The following USP4 variants were observed in gnomAD, a reference collection of about 807,000 sequenced individuals.
USP4 encodes the protein ubiquitin carboxyl-terminal hydrolase 4.
In USP4, 72 loss-of-function variants were observed where a neutral mutation model predicts 118.2. The ratio of observed to expected loss-of-function variants is 0.61; its 90% CI spans 0.50 to 0.74. The LOEUF is 0.74. Among genes scored for constraint, USP4 ranks in the 30% least tolerant of loss-of-function variants. The pLI is 0.00. For missense variants in USP4, 1,037 were observed against 1,185.7 expected (o/e 0.87, Z 1.84); for synonymous variants, 415 against 440.4 (o/e 0.94, Z 0.72).
At chr3:49,282,558 T>G (rs2047044098) in intron 19 of USP4, among the ~76,000 whole-genome samples, 1 of 152,248 alleles carries the variant, frequency 6.6e-6, no homozygotes, top group Admixed American at 6.5e-5. Context: ...ATTACAGGTG[T>G]GAGCCACTGC....
intron 2 of USP4, among the ~76,000 whole-genome samples, chr3:49,330,314 T>C (rs2047602142): frequency 2.6e-5 from 4 of 152,078 alleles, no homozygotes; most frequent in South Asian, 4.2e-4. Flanking sequence ...GGTAACTAGG[T>C]ACATTGCAAT....
intron 10 of USP4, among the ~76,000 whole-genome samples, chr3:49,301,186 C>T (rs2047259457): frequency 6.6e-6 from 1 of 151,994 alleles, no homozygotes; most frequent in Admixed American, 6.6e-5. Context: ...AGTGATGCTC[C>T]CACCTCAGCC....
At chr3:49,327,858 C>A in intron 2 of USP4, 42 bp from the exon 3 acceptor site, 3 of 1,565,528 alleles carry the variant, frequency 1.9e-6, no homozygotes, top group Non-Finnish European at 2.6e-6. Flanking sequence ...CTCTTTACCC[C>A]AGAAATGATG....
intron 20 of USP4, among the ~76,000 whole-genome samples, chr3:49,280,199 G>A (rs1262502196): frequency 6.6e-6 from 1 of 151,556 alleles, no homozygotes; most frequent in South Asian, 2.1e-4. Context: ...GGAGGTGGAG[G>A]TTGCAAGTGA....
chr3:49,292,341 G>A (rs1180794451), intron 15 of USP4, among the ~76,000 whole-genome samples, 169 bp downstream of exon 15: 2 of 151,050 alleles, frequency 1.3e-5, no homozygotes, highest in Non-Finnish European at 2.9e-5. Context: ...TTGGACAACA[G>A]GCACTGGCAG....
intron 9 of USP4, among the ~76,000 whole-genome samples, chr3:49,304,759 T>C (rs1180317008): frequency 6.8e-6 from 1 of 147,060 alleles, no homozygotes; most frequent in African/African-American, 2.7e-5. Flanking sequence ...GCTAATTTTG[T>C]TGTTGTTGTT....
chr3:49,300,739 T>A (rs1292534864), intron 10 of USP4, 48 bp from the exon 11 acceptor site: 7 of 1,560,444 alleles, frequency 4.5e-6, no homozygotes, highest in Non-Finnish European at 6.1e-6. Flanking sequence ...CTCAGCCCCT[T>A]GCCCCTGCAT....
intron 6 of USP4, 38 bp downstream of exon 6, chr3:49,324,664 C>T (rs766566774): frequency 1.9e-6 from 3 of 1,587,242 alleles, no homozygotes; most frequent in South Asian, 1.1e-5. Context: ...CTCTTTTGCA[C>T]ATGTGAGCCT....
chr3:49,294,279 C>T, intron 14 of USP4, 128 bp downstream of exon 14: 1 of 1,071,952 alleles, frequency 9.3e-7, no homozygotes, highest in Non-Finnish European at 1.3e-6. Context: ...GCCACTGCAC[C>T]CGGCAAATGC....
intron 8 of USP4, among the ~76,000 whole-genome samples, chr3:49,308,697 T>A (rs11710434): frequency 2.0e-5 from 3 of 151,334 alleles, no homozygotes; most frequent in African/African-American, 7.3e-5. Flanking sequence ...TAGTTTGCAG[T>A]ACTCCATATG....
chr3:49,280,292 T>C (rs2047004880), intron 20 of USP4, among the ~76,000 whole-genome samples: 1 of 151,586 alleles, frequency 6.6e-6, no homozygotes, highest in African/African-American at 2.4e-5. Flanking sequence ...CCAGGCACAG[T>C]GCCTCACACC....
In USP4 at chr3:49,284,555, C is replaced by T. The variant is rs988977339; in HGVS notation, c.2301G>A (p.Gln767=). ...EAYEKHVSML[Q]PQKKKKTTVA... is the part of the protein sequence containing the mutation. ...CTGTGGTCTTCTTCTTCTTCTGAGG[C>T]TGCAACATGCTCACATGCTTCTCGT... Residue 767 remains glutamine, a synonymous_variant, in exon 18 of 22, where the codon CAG becomes CAA. Coordinates refer to ENST00000265560, the MANE Select transcript of USP4 (RefSeq NM_003363.4). 1 of 1,614,100 alleles carries T rather than the reference C, an allele frequency of 6.2e-7. No homozygotes were observed. Among genetic ancestry groups the T allele is most frequent in the Admixed American group, 1.7e-5 (1 of 59,988 alleles).
At chr3:49,303,335 G>C (rs922714667) in intron 9 of USP4, among the ~76,000 whole-genome samples, 6 of 151,556 alleles carry the variant, frequency 4.0e-5, no homozygotes, top group African/African-American at 7.3e-5. Context: ...CAGCTACGCA[G>C]GAGGCTGAGG....
At chr3:49,301,700 T>C (rs554458279) in intron 10 of USP4, among the ~76,000 whole-genome samples, 1 of 152,092 alleles carries the variant, frequency 6.6e-6, no homozygotes, top group South Asian at 2.1e-4. Context: ...AAAAAATAAA[T>C]AAATAAATTT....
intron 19 of USP4, among the ~76,000 whole-genome samples, chr3:49,281,118 C>G (rs548467048): frequency 6.6e-6 from 1 of 151,734 alleles, no homozygotes; most frequent in Non-Finnish European, 1.5e-5. Context: ...ATCAGGAGTT[C>G]GAGACGAGCC....
chr3:49,309,619 C>CTTTTTTTT (rs35128646), intron 8 of USP4, among the ~76,000 whole-genome samples: 1 of 79,360 alleles, frequency 1.3e-5, no homozygotes. Flanking sequence ...GGCGGGACAG[C>CTTTTTTTT]TTTTTTTTTT....
intron 3 of USP4, among the ~76,000 whole-genome samples, chr3:49,326,349 C>G (rs1037316356): frequency 3.3e-5 from 5 of 151,884 alleles, no homozygotes; most frequent in African/African-American, 1.2e-4. Flanking sequence ...TTTTTTTCTA[C>G]CCACTAAGAC....
In USP4 at chr3:49,278,333, C is replaced by T; in HGVS notation, c.2852G>A (p.Gly951Asp). 2 of 1,614,116 alleles carry T rather than the reference C, an allele frequency of 1.2e-6. No homozygotes were observed. Among genetic ancestry groups the T allele is most frequent in the Non-Finnish European group, 1.7e-6 (2 of 1,180,044 alleles). ...GCTGCAAGCCTCATCATCCCCAAAG[C>T]CCTGCTGAGAGCTGCTTGGTCGTGT... ...GGTRPSSSQQGFGDDEACSMD... is the reference protein window; with the variant it reads ...GGTRPSSSQQDFGDDEACSMD... The change falls in exon 22 of 22, where the codon GGC becomes GAC. Residue 951 changes from glycine (G) to aspartate (D), a missense_variant. By Grantham distance (94) the Gly-to-Asp change is moderately conservative. Coordinates refer to ENST00000265560, the MANE Select transcript of USP4 (RefSeq NM_003363.4).
chr3:49,278,040 C>T lies in USP4; in HGVS notation c.*253G>A. ...ACTCCATTGAGTACCCCCATCCCAC[C>T]CCCTTTTCAGCTTCACAGGTTTCAC... On this transcript the variant is annotated 3_prime_UTR_variant, in exon 22 of 22. Transcript: ENST00000265560. 2 of 504,586 alleles carry T rather than the reference C, an allele frequency of 4.0e-6. No homozygotes were observed. The highest frequency in any genetic ancestry group is 6.9e-6 in the Non-Finnish European group (2 of 291,506). The allele number at this position is 504,586 out of a possible 1,614,324, so 31.3% of individuals were successfully genotyped here.
Sources: allele counts gnomAD v4.1 joint callset (sites outside exome capture counted in the v4.1 genomes callset), GRCh38; gene constraint gnomAD v4.1.1; transcripts MANE v1.5; gene names NCBI Gene and HGNC (gene_info 2026-07-23, HGNC 2026-07-21).